ANKRD6: variants seen among roughly 807,000 people sequenced by gnomAD.
ANKRD6 encodes ankyrin repeat domain-containing protein 6.
ANKRD6 carries 56 observed loss-of-function variants against 82.3 expected under a neutral mutation model. That is an observed-to-expected ratio of 0.68 (90% confidence interval 0.55 to 0.85). The LOEUF (loss-of-function observed/expected upper bound fraction) is 0.85. ANKRD6 is among the 40% of genes least tolerant of loss of function. The probability of loss-of-function intolerance (pLI) is 0.00; values close to 1 mark genes in which losing one functional copy is unlikely to be tolerated. For missense variants in ANKRD6, 852 were observed against 907.6 expected (o/e 0.94, Z 0.79); for synonymous variants, 347 against 352.1 (o/e 0.99, Z 0.16).
chr6:89,463,253 C>A (rs1774422269), intron 1 of ANKRD6, among the ~76,000 whole-genome samples: 1 of 151,914 alleles, frequency 6.6e-6, no homozygotes, highest in African/African-American at 2.4e-5. Context: ...TTTTTCTGAG[C>A]ATTTTGTTAT....
chr6:89,582,210 A>C (rs993103662), intron 2 of ANKRD6, among the ~76,000 whole-genome samples: 4 of 152,176 alleles, frequency 2.6e-5, no homozygotes, highest in African/African-American at 9.7e-5. Context: ...CAGACAATTA[A>C]AAAAATTTTT....
At chr6:89,616,825 C>T in intron 8 of ANKRD6, 168 bp downstream of exon 8, 1 of 730,814 alleles carries the variant, frequency 1.4e-6, no homozygotes, top group Non-Finnish European at 2.4e-6. Flanking sequence ...AAGGGTACCC[C>T]TGCTCTGAGC....
rs965497547 is a variant in ANKRD6 at position 89,433,240 on chromosome 6, G to A, written c.-279G>A. On this transcript the variant is annotated 5_prime_UTR_variant, in exon 1 of 16. Transcript: ENST00000339746. The surrounding 1 kb of genome is among the most constrained non-coding windows in gnomAD (Gnocchi z 4.3). ...GCTGCCTGGCGCGCGGGCGGCTGGA[G>A]GCACGGCGCTGGGCGGCGCCGAGGC... 3.3e-5 allele frequency: 5 copies of A among 151,820 alleles called. No homozygotes were observed. The highest frequency in any genetic ancestry group is 1.2e-4 in the African/African-American group (5 of 41,382). 9.4% of individuals were successfully genotyped at this position (151,820 alleles called of 1,614,324 possible).
intron 1 of ANKRD6, among the ~76,000 whole-genome samples, chr6:89,548,142 C>A (rs913945236): frequency 6.6e-6 from 1 of 152,154 alleles, no homozygotes; most frequent in Non-Finnish European, 1.5e-5. Context: ...CCACTAAATC[C>A]AGAACATTTA....
At chr6:89,451,232 C>A (rs1406366076) in intron 1 of ANKRD6, among the ~76,000 whole-genome samples, 1 of 152,152 alleles carries the variant, frequency 6.6e-6, no homozygotes, top group Non-Finnish European at 1.5e-5. Flanking sequence ...CTGCTTGAGC[C>A]TGGGAGGTGG....
At chr6:89,435,711 T>C (rs1770560888) in intron 1 of ANKRD6, among the ~76,000 whole-genome samples, 1 of 152,220 alleles carries the variant, frequency 6.6e-6, no homozygotes, top group South Asian at 2.1e-4. Flanking sequence ...TTTTAAAAGC[T>C]TTGCTTGAGT....
chr6:89,590,718 T>C (rs1419265533), intron 2 of ANKRD6, among the ~76,000 whole-genome samples: 1 of 151,446 alleles, frequency 6.6e-6, no homozygotes, highest in Non-Finnish European at 1.5e-5. Context: ...GCACACAGAG[T>C]GGTAGGGAAA....
chr6:89,575,068 C>T (rs894765082), intron 2 of ANKRD6, among the ~76,000 whole-genome samples: 2 of 152,146 alleles, frequency 1.3e-5, no homozygotes, highest in African/African-American at 4.8e-5. Flanking sequence ...CCCAGCAAAG[C>T]CTGTCTGTCT....
chr6:89,596,146 C>G (rs1298195831), intron 3 of ANKRD6, 132 bp downstream of exon 3: 1 of 774,238 alleles, frequency 1.3e-6, no homozygotes, highest in Admixed American at 2.1e-5. Context: ...GCATCTTGGT[C>G]TCTGTGGCAG....
At chr6:89,585,185 A>G (rs1448890978) in intron 2 of ANKRD6, among the ~76,000 whole-genome samples, 1 of 152,250 alleles carries the variant, frequency 6.6e-6, no homozygotes, top group East Asian at 1.9e-4. Context: ...GAACTCTCAG[A>G]AAACCAGAAA....
At chr6:89,448,094 A>C (rs768579580) in intron 1 of ANKRD6, among the ~76,000 whole-genome samples, 7 of 152,156 alleles carry the variant, frequency 4.6e-5, no homozygotes, top group Non-Finnish European at 8.8e-5. Flanking sequence ...CTTTAGTTGA[A>C]GCCAGTTCTC....
At chr6:89,492,583 C>T (rs1778141256) in intron 1 of ANKRD6, among the ~76,000 whole-genome samples, 1 of 152,178 alleles carries the variant, frequency 6.6e-6, no homozygotes, top group South Asian at 2.1e-4. Context: ...TGTTCTTGAA[C>T]CTGCACTTCT....
At chr6:89,503,507 A>AC (rs573021278) in intron 1 of ANKRD6, among the ~76,000 whole-genome samples, 168 of 152,280 alleles carry the variant, frequency 1.1e-3, no homozygotes, top group African/African-American at 3.8e-3. Flanking sequence ...TGTACTGCTT[A>AC]CTATGTGTGT....
intron 1 of ANKRD6, among the ~76,000 whole-genome samples, chr6:89,492,111 G>C (rs567834883): frequency 7.2e-5 from 11 of 152,274 alleles, no homozygotes; most frequent in Admixed American, 7.2e-4. Context: ...TCTTTCTTTT[G>C]TTATGGGGCC....
intron 1 of ANKRD6, among the ~76,000 whole-genome samples, chr6:89,470,357 G>A (rs1362495475): frequency 2.0e-5 from 3 of 152,208 alleles, no homozygotes; most frequent in Non-Finnish European, 4.4e-5. Context: ...AGTGGCTCTT[G>A]CCTATAATCC....
intron 1 of ANKRD6, among the ~76,000 whole-genome samples, chr6:89,511,250 C>T (rs561769944): frequency 3.0e-4 from 46 of 152,360 alleles, no homozygotes; most frequent in Middle Eastern, 6.8e-3. Flanking sequence ...GGCTTCCCTT[C>T]CCTGGCTACC....
Position 89,618,026 on chromosome 6 carries a change from C to A in ANKRD6, c.787C>A (p.Pro263Thr). The A allele has an allele frequency of 2.5e-6, 4 of 1,614,032 alleles. No individual in the cohort carries two copies. The highest frequency in any genetic ancestry group is 2.5e-6 in the Non-Finnish European group (3 of 1,179,884). ...PEVALLLTKAPQVLRFSRGRS... is the reference protein window; with the variant it reads ...PEVALLLTKATQVLRFSRGRS... ...AGTTGCTCTTCTCCTTACTAAAGCT[C>A]CCCAGGTAGGATTTACTGCCCTTTC... The change falls in exon 9 of 16, where the codon CCC (proline) becomes ACC (threonine). Residue 263 changes from proline to threonine, a missense_variant. By Grantham distance (38) the Pro-to-Thr change is conservative. Coordinates refer to ENST00000339746, the MANE Select transcript of ANKRD6 (RefSeq NM_001242809.2).
chr6:89,499,220 G>A (rs982808365), intron 1 of ANKRD6, among the ~76,000 whole-genome samples: 7 of 152,174 alleles, frequency 4.6e-5, no homozygotes, highest in African/African-American at 1.7e-4. Context: ...ATCACATTAA[G>A]GCTGGCAAAA....
At chr6:89,590,541 T>A (rs1281508432) in intron 2 of ANKRD6, among the ~76,000 whole-genome samples, 1 of 152,146 alleles carries the variant, frequency 6.6e-6, no homozygotes, top group Non-Finnish European at 1.5e-5. Context: ...TCCTTGAGAT[T>A]CTAAAAAAAT....
Sources: allele counts gnomAD v4.1 joint callset (sites outside exome capture counted in the v4.1 genomes callset), GRCh38; gene constraint gnomAD v4.1.1; non-coding constraint Gnocchi (gnomAD v3.1); transcripts MANE v1.5; gene names NCBI Gene and HGNC (gene_info 2026-07-23, HGNC 2026-07-21).